Variants in NOCT observed in about 807,000 individuals in gnomAD.
NOCT encodes nocturnin.
NOCT carries 18 observed loss-of-function variants against 35.0 expected under a neutral mutation model. The ratio of observed to expected loss-of-function variants is 0.51; its 90% CI spans 0.36 to 0.76. The LOEUF is 0.76. Ranked by LOEUF, NOCT falls within the 30% of genes least tolerant of loss-of-function variation. The probability of loss-of-function intolerance (pLI) is 0.01; values close to 1 mark genes in which losing one functional copy is unlikely to be tolerated. For missense variants in NOCT, 479 were observed against 541.0 expected (o/e 0.89, Z 1.14); for synonymous variants, 235 against 226.3 (o/e 1.04, Z -0.34).
intron 1 of NOCT, among the ~76,000 whole-genome samples, chr4:139,027,481 G>A (rs1262881037): frequency 6.6e-6 from 1 of 151,712 alleles, no homozygotes; most frequent in Admixed American, 6.6e-5. Context: ...AGCAGCTATA[G>A]ACAATATGTA....
At position 139,038,514 on chromosome 4, in the gene NOCT, A is replaced by G. The variant is rs77052644; in HGVS notation, c.191-4560A>G. Reference sequence around the variant, plus strand: ...AGTGAATGAATAGCCTATTAAATGCATCGCAAAAACTAGATCCCCCTAAAA... The same window carrying G: ...AGTGAATGAATAGCCTATTAAATGCGTCGCAAAAACTAGATCCCCCTAAAA... On this transcript the variant is annotated intron_variant, in intron 1 of 2. Coordinates refer to ENST00000280614, the MANE Select transcript of NOCT (RefSeq NM_012118.4). Among the ~76,000 whole-genome samples, 1,444 of 152,292 alleles carry G rather than the reference A, an allele frequency of 9.5e-3. 23 individuals are homozygous for G. The highest frequency in any genetic ancestry group is 0.033 in the African/African-American group (1,372 of 41,550).
intron 1 of NOCT, among the ~76,000 whole-genome samples, chr4:139,022,443 C>A (rs1170619442): frequency 6.6e-6 from 1 of 152,116 alleles, no homozygotes; most frequent in Non-Finnish European, 1.5e-5. Flanking sequence ...CAATTTTTTT[C>A]TCCTTCCAGT....
intron 1 of NOCT, among the ~76,000 whole-genome samples, chr4:139,031,297 C>G (rs1317514381): frequency 6.6e-6 from 1 of 151,950 alleles, no homozygotes; most frequent in East Asian, 1.9e-4. Context: ...CAACAGGCAC[C>G]CACCACCATG....
chr4:139,033,759 C>A (rs1726668138), intron 1 of NOCT, among the ~76,000 whole-genome samples: 1 of 151,694 alleles, frequency 6.6e-6, no homozygotes, highest in South Asian at 2.1e-4. Flanking sequence ...GTTATTCTCT[C>A]ATTTTGTTTT....
chr4:139,031,084 T>G lies in NOCT; in HGVS notation c.191-11990T>G, dbSNP rs1560731650. On this transcript the variant is annotated intron_variant, in intron 1 of 2. Transcript: ENST00000280614. ...TTTGGGCAAAGCCTAGAACAGGCAA[T>G]TGGTGGGCAGCTAGAGGAAGGAAAC... is the stretch of plus-strand genomic sequence containing the variant. Among the ~76,000 whole-genome samples, 8 of 151,902 alleles carry G rather than the reference T, an allele frequency of 5.3e-5. No individual in the cohort carries two copies. In the South Asian group the frequency reaches 1.7e-3, roughly 32 times the overall value.
rs541328491 is a variant in NOCT, at chr4:139,037,556, C to T, written c.191-5518C>T. Among the ~76,000 whole-genome samples the T allele has an allele frequency of 1.4e-3, 211 of 152,238 alleles. 5 individuals are homozygous for T. The highest frequency in any genetic ancestry group is 5.1e-4 in the Non-Finnish European group (35 of 68,018). ...AAATGCTAGGATTACAGGTGTGAGCCACCACGCCTGGCCCAAGTTTTATTA... is the reference window on the plus strand; with the variant it reads ...AAATGCTAGGATTACAGGTGTGAGCTACCACGCCTGGCCCAAGTTTTATTA... On this transcript the variant is annotated intron_variant, in intron 1 of 2. Coordinates refer to ENST00000280614, the MANE Select transcript of NOCT (RefSeq NM_012118.4).
intron 1 of NOCT, among the ~76,000 whole-genome samples, chr4:139,029,568 C>T (rs776711836): frequency 6.6e-6 from 1 of 152,208 alleles, no homozygotes; most frequent in Non-Finnish European, 1.5e-5. Flanking sequence ...ATATTTGACT[C>T]CTGCCAGAAA....
rs1458699529 is a variant in NOCT at position 139,022,629 on chromosome 4, A to G, written c.190+6458A>G. 2.6e-5 allele frequency among the ~76,000 whole-genome samples: 4 copies of G among 152,166 alleles called. No homozygotes were observed. In the East Asian group the frequency reaches 5.8e-4, roughly 22 times the overall value. ...TACTAAATGCTTAGAAGCCTATTCT[A>G]AGTCTCTCAGTGATGTGATTCTCCT... is the stretch of plus-strand genomic sequence containing the variant. On this transcript the variant is annotated intron_variant, in intron 1 of 2. Transcript: ENST00000280614.
chr4:139,020,007 A>T (rs779142590), intron 1 of NOCT, among the ~76,000 whole-genome samples: 2 of 152,256 alleles, frequency 1.3e-5, no homozygotes, highest in Non-Finnish European at 2.9e-5. Flanking sequence ...TAACTATGTG[A>T]GTAAACTGCT....
At chr4:139,044,603 G>GT (rs772413084) in intron 2 of NOCT, 36 bp from the exon 3 acceptor site, 13 of 1,411,310 alleles carry the variant, frequency 9.2e-6, no homozygotes, top group Non-Finnish European at 1.2e-5. Flanking sequence ...TCACGGTTTT[G>GT]TAAGAGCTGA....
chr4:139,016,970 ATTT>A (rs56237553), intron 1 of NOCT, among the ~76,000 whole-genome samples: 1 of 131,076 alleles, frequency 7.6e-6, no homozygotes, highest in African/African-American at 2.9e-5. Flanking sequence ...GTTTCTTTGG[ATTT>A]TTTTTTTTTG....
intron 1 of NOCT, among the ~76,000 whole-genome samples, chr4:139,026,133 G>A (rs925426363): frequency 5.9e-5 from 9 of 152,078 alleles, no homozygotes; most frequent in Non-Finnish European, 1.2e-4. Context: ...GATGAGTCTT[G>A]CTCTGTCACC....
chr4:139,042,626 GC>G (rs1726854570), intron 1 of NOCT, among the ~76,000 whole-genome samples: 1 of 152,114 alleles, frequency 6.6e-6, no homozygotes, highest in Non-Finnish European at 1.5e-5. Flanking sequence ...TGTAGAAATG[GC>G]TTTATACGCC....
chr4:139,037,462 G>T (rs1457997235), intron 1 of NOCT, among the ~76,000 whole-genome samples: 2 of 151,954 alleles, frequency 1.3e-5, no homozygotes, highest in Admixed American at 6.6e-5. Flanking sequence ...TAGAGACAGG[G>T]TCTCACTATG....
Position 139,044,925 on chromosome 4 carries a change from C to G in NOCT, c.747C>G (p.Asn249Lys). The change falls in exon 3 of 3, where the codon AAC becomes AAG. Residue 249 changes from asparagine (N) to lysine (K), a missense_variant. By Grantham distance (94) the Asn-to-Lys change is moderately conservative. This residue lies in a region of NOCT where 214 missense variants were observed against 284.0 expected (regional missense o/e 0.75). Transcript: ENST00000280614. ...TTCAAAACCGATTCAAGCTAGTCAA[C>G]AGTGCCAATATTAGGCTGACAGCCA... ...FFLQNRFKLV[N>K]SANIRLTAMT... 1 of 1,614,224 alleles carries G rather than the reference C, an allele frequency of 6.2e-7. No individual in the cohort carries two copies. Among genetic ancestry groups the G allele is most frequent in the Non-Finnish European group, 8.5e-7 (1 of 1,180,040 alleles).
intron 1 of NOCT, among the ~76,000 whole-genome samples, chr4:139,017,564 C>T (rs1726337231): frequency 6.9e-6 from 1 of 144,156 alleles, no homozygotes; most frequent in African/African-American, 2.5e-5. Context: ...GGCGCGGTGG[C>T]TCACGCCTGT....
rs772342321 is a variant in NOCT at position 139,045,329 on chromosome 4, A to G, written c.1151A>G (p.His384Arg). 18 of 1,613,852 alleles carry G rather than the reference A, an allele frequency of 1.1e-5. No homozygotes were observed. Among genetic ancestry groups the G allele is most frequent in the Middle Eastern group, 3.3e-4 (2 of 6,084 alleles). ...HTLDYIWYSK[H>R]ALNVRSALDL... is the part of the protein sequence containing the mutation. ...CTGGATTACATCTGGTATTCTAAAC[A>G]TGCTCTAAATGTAAGGTCAGCTCTC... is the stretch of plus-strand genomic sequence containing the variant. Residue 384 changes from histidine to arginine, a missense_variant, in exon 3 of 3, where the codon CAT becomes CGT. This residue lies in a region of NOCT where 214 missense variants were observed against 284.0 expected (regional missense o/e 0.75). Coordinates refer to ENST00000280614, the MANE Select transcript of NOCT (RefSeq NM_012118.4).
chr4:139,026,553 C>CT (rs112368628), intron 1 of NOCT, among the ~76,000 whole-genome samples: 8,633 of 140,514 alleles, frequency 0.061, 600 homozygotes, highest in African/African-American at 0.17. Context: ...TTTCATACTT[C>CT]TTTTTTTTTT....
At chr4:139,019,585 T>G (rs1282147832) in intron 1 of NOCT, among the ~76,000 whole-genome samples, 1 of 152,234 alleles carries the variant, frequency 6.6e-6, no homozygotes, top group Non-Finnish European at 1.5e-5. Flanking sequence ...TGGGGAGTAG[T>G]GAGTCCCGAC....
Sources: gnomAD v4.1 joint callset for allele counts (sites outside exome capture counted in the v4.1 genomes callset) on GRCh38, gnomAD v4.1.1 for gene constraint, gnomAD v4.1.1 regional missense constraint, MANE v1.5 for transcripts, NCBI Gene and HGNC (gene_info 2026-07-23, HGNC 2026-07-21) for gene names.